STRIP1: variants seen among roughly 807,000 people sequenced by gnomAD.
The protein encoded by STRIP1 is striatin interacting protein 1.
Under a neutral mutation model 106.2 loss-of-function variants are expected in STRIP1, and 63 were observed. That is an observed-to-expected ratio of 0.59 (90% CI 0.48 to 0.73). The LOEUF (loss-of-function observed/expected upper bound fraction) is 0.73, where lower values mean the gene tolerates loss of function less well. Ranked by LOEUF, STRIP1 falls within the 30% of genes least tolerant of loss-of-function variation. The pLI, the probability that STRIP1 is intolerant of heterozygous loss-of-function variation, is 0.00. For missense variants in STRIP1, 857 were observed against 1,074.8 expected (o/e 0.80, Z 2.83); for synonymous variants, 390 against 413.0 (o/e 0.94, Z 0.67).
Position 110,043,135 on chromosome 1 carries a change from G to C in STRIP1, c.933G>C (p.Lys311Asn). The C allele has an allele frequency of 6.2e-7, 1 of 1,614,004 alleles. No individual in the cohort carries two copies. Among genetic ancestry groups the C allele is most frequent in the Non-Finnish European group, 8.5e-7 (1 of 1,180,002 alleles). Residue 311 changes from lysine to asparagine, a missense_variant, in exon 9 of 21, where the codon AAG (lysine) becomes AAC (asparagine). Transcript: ENST00000369795. ...FEELQSMKAEKRSILGLPPLP... is the reference protein window; with the variant it reads ...FEELQSMKAENRSILGLPPLP... ...AGCTGCAGAGCATGAAGGCTGAGAA[G>C]CGCAGCATCCTGGGCCTCCCCCCGC... is the stretch of plus-strand genomic sequence containing the variant.
chr1:110,051,996 C>A (rs937197668), intron 20 of STRIP1, 109 bp downstream of exon 20: 1 of 1,203,714 alleles, frequency 8.3e-7, no homozygotes. Context: ...AGCTTCCCCC[C>A]AAGGAACAGG....
intron 12 of STRIP1, among the ~76,000 whole-genome samples, chr1:110,045,857 C>G (rs1007870839): frequency 6.6e-6 from 1 of 152,112 alleles, no homozygotes; most frequent in Admixed American, 6.5e-5. Context: ...CCCATACTCT[C>G]CGATCAGAGA....
chr1:110,044,290 G>A (rs531411637), intron 10 of STRIP1, among the ~76,000 whole-genome samples: 2 of 152,318 alleles, frequency 1.3e-5, no homozygotes, highest in African/African-American at 2.4e-5. Flanking sequence ...ACGGTACCTG[G>A]AGATATATAA....
chr1:110,047,911 A>G, intron 15 of STRIP1, 42 bp downstream of exon 15: 4 of 1,478,720 alleles, frequency 2.7e-6, no homozygotes, highest in Non-Finnish European at 3.7e-6. Flanking sequence ...GGCAGAAGAT[A>G]GATGGAGAAG....
At chr1:110,039,729 C>A in intron 5 of STRIP1, 1 of 1,069,746 alleles carries the variant, frequency 9.3e-7, no homozygotes, top group Non-Finnish European at 1.3e-6. Flanking sequence ...TCCCTGATGC[C>A]AGAGTTTTTA....
In STRIP1 at chr1:110,034,657, G is replaced by A. The variant is rs1314187933; in HGVS notation, c.20G>A (p.Gly7Asp). Residue 7 changes from glycine (G) to aspartate (D), a missense_variant, in exon 1 of 21, where the codon GGT becomes GAT. By Grantham distance (94) the Gly-to-Asp change is moderately conservative. Coordinates refer to ENST00000369795, the MANE Select transcript of STRIP1 (RefSeq NM_033088.4). MEPAVG[G>D]PGPLIVNNKQ... is the part of the protein sequence containing the mutation. ...GCCAAGATGGAGCCGGCAGTCGGCG[G>A]TCCGGGCCCACTGATCGTGAACAAC... The A allele has an allele frequency of 7.2e-6, 11 of 1,522,338 alleles. No individual in the cohort carries two copies. Among genetic ancestry groups the A allele is most frequent in the South Asian group, 1.2e-5 (1 of 82,166 alleles). The allele number at this position is 1,522,338 out of a possible 1,614,324, so 94.3% of individuals were successfully genotyped here. A position where few individuals can be genotyped will look rare whatever the true frequency, so the allele number is the denominator to read the frequency against.
intron 15 of STRIP1, 199 bp downstream of exon 15, chr1:110,048,068 C>T (rs1653116368): frequency 1.8e-6 from 1 of 569,608 alleles, no homozygotes; most frequent in Non-Finnish European, 3.1e-6. Flanking sequence ...GGCCTGGATT[C>T]TAGTGTAGAC....
At chr1:110,051,378 G>T (rs1433635451) in intron 19 of STRIP1, among the ~76,000 whole-genome samples, 1 of 152,164 alleles carries the variant, frequency 6.6e-6, no homozygotes, top group Non-Finnish European at 1.5e-5. Context: ...GGGGTGGGGA[G>T]GTCCTTGAAT....
upstream of STRIP1, among the ~76,000 whole-genome samples, chr1:110,032,919 G>T (rs903896435): frequency 3.3e-5 from 5 of 152,136 alleles, no homozygotes; most frequent in African/African-American, 9.7e-5. Context: ...ACCCTCGAAT[G>T]GTTTTCCATT....
At chr1:110,051,363 C>G (rs1353600947) in intron 19 of STRIP1, among the ~76,000 whole-genome samples, 1 of 152,156 alleles carries the variant, frequency 6.6e-6, no homozygotes, top group East Asian at 1.9e-4. Flanking sequence ...TCTGTGGATG[C>G]CTTTGGGGTG....
chr1:110,041,599 G>A lies in STRIP1; in HGVS notation c.714G>A (p.Lys238=). ...TTCATCAGGAGTGTGAGGGTGACAA[G>A]GCTGAGTGGAGGACCATGCGGCAGA... ...ETVHQECEGD[K]AEWRTMRQTF... is the part of the protein sequence containing the mutation. Residue 238 remains lysine (K), a synonymous_variant, in exon 7 of 21, where the codon AAG becomes AAA. Coordinates refer to ENST00000369795, the MANE Select transcript of STRIP1 (RefSeq NM_033088.4). The A allele has an allele frequency of 6.2e-7, 1 of 1,614,174 alleles. No individual in the cohort carries two copies. Among genetic ancestry groups the A allele is most frequent in the South Asian group, 1.1e-5 (1 of 91,078 alleles).
intron 12 of STRIP1, 21 bp downstream of exon 12, chr1:110,045,099 T>A (rs1396649169): frequency 6.2e-7 from 1 of 1,612,864 alleles, no homozygotes; most frequent in East Asian, 2.2e-5. Flanking sequence ...TTGGGTGAGC[T>A]TTTGGCTTGT....
chr1:110,051,672 TC>T lies in STRIP1; in HGVS notation c.2062-8del. On this transcript the variant is annotated splice_polypyrimidine_tract_variant and intron_variant, in intron 19 of 20. Transcript: ENST00000369795. ...CTTCAACTTGGGCTGCTTGCTTGTT[TC>T]CCTTCCCAGATGCTGGTGGTGTTCA... 6.3e-7 allele frequency: 1 copy of T among 1,591,682 alleles called. No individual in the cohort carries two copies. Among genetic ancestry groups the T allele is most frequent in the Non-Finnish European group, 8.6e-7 (1 of 1,168,686 alleles).
At chr1:110,035,223 G>T (rs975350281) in intron 1 of STRIP1, among the ~76,000 whole-genome samples, 1 of 152,202 alleles carries the variant, frequency 6.6e-6, no homozygotes, top group Non-Finnish European at 1.5e-5. Flanking sequence ...TCCCTGGCAC[G>T]CGGGCTCCAG....
intron 1 of STRIP1, 104 bp downstream of exon 1, chr1:110,034,921 G>A (rs1570909843): frequency 2.6e-6 from 3 of 1,153,790 alleles, no homozygotes; most frequent in Admixed American, 4.1e-5. Flanking sequence ...GGAGGGCTCG[G>A]TAGAGTCCGG....
In STRIP1 at chr1:110,046,741, C is replaced by T. The variant is rs754664027; in HGVS notation, c.1478C>T (p.Pro493Leu). 2 of 1,612,554 alleles carry T rather than the reference C, an allele frequency of 1.2e-6. No individual in the cohort carries two copies. Among genetic ancestry groups the T allele is most frequent in the East Asian group, 4.5e-5 (2 of 44,790 alleles). Residue 493 changes from proline to leucine, a missense_variant, in exon 13 of 21, where the codon CCT becomes CTT. Physicochemically the swap from Pro to Leu is moderately conservative, Grantham distance 98. Transcript: ENST00000369795. ...ATGGAGGAGGAATACCTCCGCTCCC[C>T]TCTCTCAGGGGTAAGTTGGAGGTCC... ...AQMEEEYLRS[P>L]LSGGEEEVEQ...
At chr1:110,044,389 C>T (rs1170990696) in intron 10 of STRIP1, among the ~76,000 whole-genome samples, 1 of 152,210 alleles carries the variant, frequency 6.6e-6, no homozygotes, top group African/African-American at 2.4e-5. Flanking sequence ...GGTAAAGCCT[C>T]AGTTTTCAGT....
intron 1 of STRIP1, 73 bp from the exon 2 acceptor site, chr1:110,037,818 G>A (rs960661923): frequency 4.8e-6 from 5 of 1,049,522 alleles, no homozygotes; most frequent in Admixed American, 3.5e-5. Flanking sequence ...TAACACAACA[G>A]CATCTCGAAG....
upstream of STRIP1, among the ~76,000 whole-genome samples, chr1:110,033,177 C>G (rs1186225237): frequency 1.3e-5 from 2 of 152,212 alleles, no homozygotes; most frequent in Non-Finnish European, 2.9e-5. Context: ...GGCCTGCCTT[C>G]CTTGGGCAGC....
Sources: allele counts gnomAD v4.1 joint callset (sites outside exome capture counted in the v4.1 genomes callset), GRCh38; gene constraint gnomAD v4.1.1; transcripts MANE v1.5; gene names NCBI Gene and HGNC (gene_info 2026-07-23, HGNC 2026-07-21).